The following LRRK2 variants were observed in gnomAD, a reference collection of about 807,000 sequenced individuals.
The protein encoded by LRRK2 is leucine rich repeat kinase 2.
A neutral mutation model predicts 302.6 loss-of-function variants in LRRK2; 203 were observed. The ratio of observed to expected loss-of-function variants is 0.67; its 90% confidence interval spans 0.60 to 0.75. The LOEUF (loss-of-function observed/expected upper bound fraction) is 0.75, where lower values mean the gene tolerates loss of function less well. Among genes scored for constraint, LRRK2 ranks in the 30% least tolerant of loss-of-function variants. The pLI is 0.00. For synonymous variants in LRRK2, 1,066 were observed against 1,031.9 expected (o/e 1.03, Z -0.63); for missense variants, 2,830 against 2,951.0 (o/e 0.96, Z 0.95).
At chr12:40,235,192 C>T (rs1941394436) in intron 3 of LRRK2, among the ~76,000 whole-genome samples, 1 of 152,100 alleles carries the variant, frequency 6.6e-6, no homozygotes, top group Admixed American at 6.5e-5. Flanking sequence ...ACACACATGG[C>T]CAGGCACGGT....
chr12:40,340,251 T>C (rs768212872), intron 40 of LRRK2, 43 bp from the exon 41 acceptor site: 2 of 1,598,982 alleles, frequency 1.3e-6, no homozygotes, highest in Non-Finnish European at 1.7e-6. Context: ...ATTATTATAA[T>C]GTAATCACAT....
At chr12:40,243,412 A>G in intron 6 of LRRK2, 138 bp from the exon 7 acceptor site, 3 of 902,990 alleles carry the variant, frequency 3.3e-6, no homozygotes, top group South Asian at 1.4e-5. Flanking sequence ...ACAGCTACTT[A>G]AAGAACATGA....
chr12:40,266,915 C>T (rs970022192), intron 14 of LRRK2, among the ~76,000 whole-genome samples: 9 of 143,538 alleles, frequency 6.3e-5, no homozygotes. Context: ...TATGTTCTCA[C>T]TCATAAGTGG....
At chr12:40,355,518 TCCC>T (rs1946503103) in intron 45 of LRRK2, among the ~76,000 whole-genome samples, 3 of 33,456 alleles carry the variant, frequency 9.0e-5, no homozygotes, top group Non-Finnish European at 2.1e-4. Context: ...CCTCCCTCCC[TCCC>T]TCCCTCCCTT....
chr12:40,328,386 C>T lies in LRRK2; in HGVS notation c.5683C>T (p.Arg1895Ter), dbSNP rs199762345. The change falls in exon 39 of 51, where the codon CGA (arginine) becomes TGA (stop). Residue 1895 changes from arginine (R) to a stop codon, truncating the protein, a stop_gained. Transcript: ENST00000298910. LOFTEE classifies it high-confidence loss of function. ...TGATGGCAGTTTTGGATCAGTTTACCGAGCAGCCTATGAAGGAGAAGAAGT... is the reference window on the plus strand; with the variant it reads ...TGATGGCAGTTTTGGATCAGTTTACTGAGCAGCCTATGAAGGAGAAGAAGT... ...LGDGSFGSVY[R>*]AAYEGEEVAV... 6.2e-6 allele frequency: 10 copies of T among 1,613,338 alleles called. No homozygotes were observed. The highest frequency in any genetic ancestry group is 3.3e-5 in the Admixed American group (2 of 59,972).
At position 40,251,445 on chromosome 12, in the gene LRRK2, T is replaced by C; in HGVS notation, c.1102-20T>C. 1 of 1,611,892 alleles carries C rather than the reference T, an allele frequency of 6.2e-7. No individual in the cohort carries two copies. The highest frequency in any genetic ancestry group is 8.5e-7 in the Non-Finnish European group (1 of 1,178,680). Reference sequence around the variant, plus strand: ...AGTCATTTATATTTTGACAGATTTCTTTTTTCTCCCCTAATCCAGGAGGCC... The same window carrying C: ...AGTCATTTATATTTTGACAGATTTCCTTTTTCTCCCCTAATCCAGGAGGCC... On this transcript the variant is annotated intron_variant, in intron 9 of 50. Coordinates refer to ENST00000298910, the MANE Select transcript of LRRK2 (RefSeq NM_198578.4).
intron 41 of LRRK2, among the ~76,000 whole-genome samples, chr12:40,346,203 A>G (rs987987837): frequency 3.3e-5 from 5 of 151,106 alleles, no homozygotes; most frequent in African/African-American, 1.2e-4. Flanking sequence ...TTTTTGTTTT[A>G]GTTGTTGTTT....
intron 37 of LRRK2, among the ~76,000 whole-genome samples, chr12:40,322,712 G>A (rs1279582741): frequency 6.6e-6 from 1 of 151,962 alleles, no homozygotes; most frequent in African/African-American, 2.4e-5. Flanking sequence ...TTGATTTGAG[G>A]GTTTGAATGC....
Position 40,283,905 on chromosome 12 carries a change from G to A in LRRK2, c.2272G>A (p.Val758Met). 1 of 1,613,294 alleles carries A rather than the reference G, an allele frequency of 6.2e-7. No individual in the cohort carries two copies. The highest frequency in any genetic ancestry group is 2.2e-5 in the East Asian group (1 of 44,842). Residue 758 changes from valine (V) to methionine (M), a missense_variant, in exon 19 of 51, where the codon GTG becomes ATG. Physicochemically the swap from Val to Met is conservative, Grantham distance 21 (BLOSUM62 1). Around this residue, in one of 3 missense-constraint regions of LRRK2, gnomAD observed 2,121 missense variants for 2,148.0 expected, o/e 0.99. Transcript: ENST00000298910. ...TGAGAAAGAGAGCAGTCCCAAATTG[G>A]TGGAACTCTTACTGAATAGTGGATC... is the stretch of plus-strand genomic sequence containing the variant. ...VCEKESSPKL[V>M]ELLLNSGSRE...
intron 46 of LRRK2, among the ~76,000 whole-genome samples, chr12:40,358,317 C>A (rs1946605564): frequency 6.6e-6 from 1 of 152,066 alleles, no homozygotes; most frequent in South Asian, 2.1e-4. Context: ...GACCAATGTT[C>A]TGAAATGTTT....
chr12:40,314,038 T>A lies in LRRK2; in HGVS notation c.4603T>A (p.Leu1535Ile), dbSNP rs1945123472. Residue 1535 changes from leucine to isoleucine, a missense_variant, in exon 32 of 51, where the codon TTA (leucine) becomes ATA (isoleucine). Physicochemically the swap from Leu to Ile is conservative, Grantham distance 5 (BLOSUM62 2). Coordinates refer to ENST00000298910, the MANE Select transcript of LRRK2 (RefSeq NM_198578.4). ...CTATGTAGAACTTGAAAAAATCATTTTATCGGAGCGTAAAAATGTGCCAAT... is the reference window on the plus strand; with the variant it reads ...CTATGTAGAACTTGAAAAAATCATTATATCGGAGCGTAAAAATGTGCCAAT... Reference protein sequence around the residue: ...DCYVELEKIILSERKNVPIEF... With the variant: ...DCYVELEKIIISERKNVPIEF... The A allele has an allele frequency of 6.2e-7, 1 of 1,612,460 alleles. No homozygotes were observed. The highest frequency in any genetic ancestry group is 1.3e-5 in the African/African-American group (1 of 74,806).
intron 4 of LRRK2, among the ~76,000 whole-genome samples, chr12:40,237,261 A>G (rs1203528409): frequency 6.6e-6 from 1 of 152,162 alleles, no homozygotes; most frequent in Non-Finnish European, 1.5e-5. Context: ...AGAAGATCTT[A>G]GTAGATTCCA....
chr12:40,242,950 T>C (rs1435108342), intron 6 of LRRK2, among the ~76,000 whole-genome samples: 1 of 150,684 alleles, frequency 6.6e-6, no homozygotes, highest in Non-Finnish European at 1.5e-5. Flanking sequence ...GATAAAACTT[T>C]AAGCACTTTA....
In LRRK2 at chr12:40,238,075, C is replaced by G; in HGVS notation, c.543C>G (p.Cys181Trp). The change falls in exon 5 of 51, where the codon TGC becomes TGG. Residue 181 changes from cysteine to tryptophan, a missense_variant. By Grantham distance (215) the Cys-to-Trp change is radical (BLOSUM62 -2). Coordinates refer to ENST00000298910, the MANE Select transcript of LRRK2 (RefSeq NM_198578.4). ...PANDEVQKLG[C>W]KALHVLFERV... is the part of the protein sequence containing the mutation. ...ATGATGAAGTCCAGAAACTTGGATG[C>G]AAAGCTTTACATGTGCTGTTTGAGA... 6.2e-7 allele frequency: 1 copy of G among 1,613,638 alleles called. No individual in the cohort carries two copies. The highest frequency in any genetic ancestry group is 8.5e-7 in the Non-Finnish European group (1 of 1,179,746).
At position 40,293,602 on chromosome 12, in the gene LRRK2, T is replaced by A; in HGVS notation, c.2747T>A (p.Phe916Tyr). The A allele has an allele frequency of 6.2e-7, 1 of 1,611,832 alleles. No individual in the cohort carries two copies. Among genetic ancestry groups the A allele is most frequent in the Non-Finnish European group, 8.5e-7 (1 of 1,178,538 alleles). ...TCTAATTCAATTAGTGTAGGAGAAT[T>A]TTACCGAGATGCCGTATTACAGCGT... ...KKSNSISVGE[F>Y]YRDAVLQRCS... is the part of the protein sequence containing the mutation. Residue 916 changes from phenylalanine (F) to tyrosine (Y), a missense_variant, in exon 21 of 51, where the codon TTT becomes TAT. Phe to Tyr is a conservative substitution (Grantham distance 22, BLOSUM62 3). Around this residue, in one of 3 missense-constraint regions of LRRK2, gnomAD observed 2,121 missense variants for 2,148.0 expected, o/e 0.99. Coordinates refer to ENST00000298910, the MANE Select transcript of LRRK2 (RefSeq NM_198578.4).
At chr12:40,228,433 C>CTTTTTTTTTT (rs35333613) in intron 2 of LRRK2, among the ~76,000 whole-genome samples, 33 of 19,288 alleles carry the variant, frequency 1.7e-3, no homozygotes, top group Admixed American at 2.6e-3. Context: ...AAAAATAAGA[C>CTTTTTTTTTT]TTTTTTTTTT....
Position 40,310,625 on chromosome 12 carries a change from C to T in LRRK2, c.4512C>T (p.Ile1504=). The T allele has an allele frequency of 6.2e-7, 1 of 1,612,690 alleles. No individual in the cohort carries two copies. The highest frequency in any genetic ancestry group is 8.5e-7 in the Non-Finnish European group (1 of 1,179,670). The change falls in exon 31 of 51, where the codon ATC becomes ATT. Residue 1504 remains isoleucine (I), a synonymous_variant. Transcript: ENST00000298910. ...CTTTGGCAAAACTTCGGAAAACCAT[C>T]ATAAACGAGAGCCTTAATTTCAAGG... ...SDALAKLRKT[I]INESLNFKIR...
rs1274150826 is a variant in LRRK2, at chr12:40,294,885, G to T, written c.2849G>T (p.Arg950Ile). 1.9e-6 allele frequency: 3 copies of T among 1,550,208 alleles called. No individual in the cohort carries two copies. The Admixed American group carries it at 5.0e-5, about 26-fold the overall frequency. Residue 950 changes from arginine to isoleucine, a missense_variant, in exon 22 of 51, where the codon AGA (arginine) becomes ATA (isoleucine). Arg to Ile is a moderately conservative substitution (Grantham distance 97, BLOSUM62 -3). Coordinates refer to ENST00000298910, the MANE Select transcript of LRRK2 (RefSeq NM_198578.4). ...CATGAAGATTTACTGAAGCGAAAAA[G>T]AAAAATATTATCTTCAGATGATTCA... ...FDHEDLLKRK[R>I]KILSSDDSLR...
intron 14 of LRRK2, among the ~76,000 whole-genome samples, chr12:40,267,159 CA>C (rs1172549958): frequency 3.3e-5 from 5 of 152,114 alleles, no homozygotes; most frequent in Admixed American, 1.3e-4. Context: ...ATGCTCCATA[CA>C]GGGGCAATTC....
Sources: allele counts gnomAD v4.1 joint callset (sites outside exome capture counted in the v4.1 genomes callset), GRCh38; gene constraint gnomAD v4.1.1; regional missense constraint gnomAD v4.1.1; transcripts MANE v1.5; gene names NCBI Gene and HGNC (gene_info 2026-07-23, HGNC 2026-07-21).